The following GLT1D1 variants were observed in gnomAD, a reference collection of about 807,000 sequenced individuals.
GLT1D1 encodes glycosyltransferase 1 domain-containing protein 1.
Under a neutral mutation model 28.7 loss-of-function variants are expected in GLT1D1, and 21 were observed. The ratio of observed to expected loss-of-function variants is 0.73; its 90% confidence interval spans 0.52 to 1.05. GLT1D1 has a LOEUF of 1.05. Ranked by LOEUF, GLT1D1 falls within the 50% of genes least tolerant of loss-of-function variation. The probability of loss-of-function intolerance (pLI) is 0.00; values close to 1 mark genes in which losing one functional copy is unlikely to be tolerated. For missense variants in GLT1D1, 343 were observed against 330.6 expected (o/e 1.04, Z -0.29); for synonymous variants, 147 against 124.8 (o/e 1.18, Z -1.19).
chr12:128,926,249 G>A (rs1400002164), intron 4 of GLT1D1, 110 bp from the exon 7 acceptor site: 3 of 378,844 alleles, frequency 7.9e-6, no homozygotes, highest in African/African-American at 2.1e-5. Flanking sequence ...AGTAGGAGAA[G>A]CTGGCCTCGA....
At chr12:128,871,569 C>T (rs1956689869) in intron 1 of GLT1D1, among the ~76,000 whole-genome samples, 2 of 152,292 alleles carry the variant, frequency 1.3e-5, no homozygotes, top group Non-Finnish European at 2.9e-5. Context: ...AAAATATCAT[C>T]CACATATTAG....
At chr12:128,908,873 C>T (rs950370641) in intron 4 of GLT1D1, among the ~76,000 whole-genome samples, 2 of 151,992 alleles carry the variant, frequency 1.3e-5, no homozygotes, top group African/African-American at 4.8e-5. Flanking sequence ...GGCGTGAACC[C>T]GGGAGGCAGA....
intron 1 of GLT1D1, among the ~76,000 whole-genome samples, chr12:128,874,009 C>A (rs1956769851): frequency 8.2e-6 from 1 of 121,282 alleles, no homozygotes; most frequent in African/African-American, 3.2e-5. Context: ...CTTCCCTTCC[C>A]TTCCCCTTCC....
At chr12:128,933,840 G>A (rs1325846169) in intron 4 of GLT1D1, among the ~76,000 whole-genome samples, 3 of 152,178 alleles carry the variant, frequency 2.0e-5, no homozygotes, top group Non-Finnish European at 2.9e-5. Context: ...GGACTAAGGC[G>A]ATTTCATGCT....
At chr12:128,981,710 G>A (rs1164359916) in intron 7 of GLT1D1, among the ~76,000 whole-genome samples, 1 of 152,238 alleles carries the variant, frequency 6.6e-6, no homozygotes, top group Non-Finnish European at 1.5e-5. Flanking sequence ...TACATGGGCT[G>A]TGGGGGAATA....
At chr12:128,871,441 A>G (rs543224152) in intron 1 of GLT1D1, among the ~76,000 whole-genome samples, 1 of 152,362 alleles carries the variant, frequency 6.6e-6, no homozygotes, top group Non-Finnish European at 1.5e-5. Context: ...GGCTCAAGAT[A>G]CACGATGCAC....
intron 2 of GLT1D1, among the ~76,000 whole-genome samples, chr12:128,887,105 G>A (rs991369264): frequency 2.0e-5 from 3 of 151,400 alleles, no homozygotes; most frequent in Non-Finnish European, 2.9e-5. Flanking sequence ...TCTGCCTCCC[G>A]GGTTCAAGTG....
At chr12:128,903,612 A>G (rs1007521182) in intron 4 of GLT1D1, among the ~76,000 whole-genome samples, 1 of 151,702 alleles carries the variant, frequency 6.6e-6, no homozygotes, top group South Asian at 2.1e-4. Context: ...AAGGGACATG[A>G]GGTAGTCACT....
At chr12:128,862,805 T>TCG (rs927577951) in intron 1 of GLT1D1, among the ~76,000 whole-genome samples, 18 of 152,192 alleles carry the variant, frequency 1.2e-4, no homozygotes, top group Non-Finnish European at 1.8e-4. Flanking sequence ...GCACATCAGC[T>TCG]CGATGCTAAG....
intron 2 of GLT1D1, among the ~76,000 whole-genome samples, chr12:128,885,994 A>C (rs1957165920): frequency 6.6e-6 from 1 of 152,130 alleles, no homozygotes; most frequent in Non-Finnish European, 1.5e-5. Context: ...GAAGTAATTG[A>C]ATCATGGAGG....
chr12:128,902,256 G>A (rs1333706747), intron 4 of GLT1D1, among the ~76,000 whole-genome samples: 1 of 151,172 alleles, frequency 6.6e-6, no homozygotes, highest in Non-Finnish European at 1.5e-5. Context: ...GGCCGAGGTG[G>A]GCGGATCACC....
chr12:128,917,025 G>C (rs568432782), intron 4 of GLT1D1, among the ~76,000 whole-genome samples: 2 of 152,074 alleles, frequency 1.3e-5, no homozygotes, highest in African/African-American at 4.8e-5. Context: ...TACTATTTGT[G>C]TGTTGTATGA....
intron 3 of GLT1D1, among the ~76,000 whole-genome samples, chr12:128,892,760 T>A (rs933735017): frequency 6.6e-6 from 1 of 152,102 alleles, no homozygotes; most frequent in Non-Finnish European, 1.5e-5. Flanking sequence ...ATTTTTGAAG[T>A]TTTTTTAGTA....
chr12:128,980,419 G>A (rs1203590719), intron 7 of GLT1D1, among the ~76,000 whole-genome samples: 1 of 152,250 alleles, frequency 6.6e-6, no homozygotes, highest in Non-Finnish European at 1.5e-5. Context: ...ACATCACTGT[G>A]TAACTAAGAA....
intron 4 of GLT1D1, among the ~76,000 whole-genome samples, chr12:128,941,800 C>A (rs560239950): frequency 6.6e-5 from 10 of 151,064 alleles, no homozygotes; most frequent in Admixed American, 5.3e-4. Context: ...AGGCGGGTCT[C>A]GAACTCTTGA....
Position 128,957,257 on chromosome 12 carries a change from G to A in GLT1D1, c.541-288G>A, listed in dbSNP as rs146967018. ...GTCGGTCGGTGAAGAGGTGTCAAAT[G>A]AGCATTCAGAGAGAGGGGGTTCTTT... is the stretch of plus-strand genomic sequence containing the variant. On this transcript the variant is annotated intron_variant, in intron 6 of 7. Coordinates refer to ENST00000281703, the MANE Select transcript of GLT1D1 (RefSeq NM_144669.3). Among the ~76,000 whole-genome samples the A allele has an allele frequency of 1.1e-3, 175 of 152,312 alleles. 2 individuals carry two copies. The highest frequency in any genetic ancestry group is 0.011 in the South Asian group (54 of 4,824).
chr12:128,959,992 C>G (rs146957225), intron 7 of GLT1D1, among the ~76,000 whole-genome samples: 85 of 152,278 alleles, frequency 5.6e-4, no homozygotes, highest in African/African-American at 1.9e-3. Flanking sequence ...TTTGGCTCTT[C>G]CAATTTCATA....
At chr12:128,916,452 G>A (rs1417141529) in intron 4 of GLT1D1, among the ~76,000 whole-genome samples, 1 of 152,130 alleles carries the variant, frequency 6.6e-6, no homozygotes, top group Non-Finnish European at 1.5e-5. Flanking sequence ...TCCAAGGTGT[G>A]CCATCTTACA....
At chr12:128,874,008 C>A (rs1956769782) in intron 1 of GLT1D1, among the ~76,000 whole-genome samples, 1 of 119,562 alleles carries the variant, frequency 8.4e-6, no homozygotes. Context: ...TCTTCCCTTC[C>A]CTTCCCCTTC....
Sources: allele counts gnomAD v4.1 joint callset (sites outside exome capture counted in the v4.1 genomes callset), GRCh38; gene constraint gnomAD v4.1.1; transcripts MANE v1.5; gene names NCBI Gene and HGNC (gene_info 2026-07-23, HGNC 2026-07-21).